Variants in CADM2 observed in about 807,000 individuals in gnomAD.
CADM2 encodes immunoglobulin superfamily member 4D.
A neutral mutation model predicts 49.8 loss-of-function variants in CADM2; 12 were observed. That is an observed-to-expected ratio of 0.24 (90% CI 0.15 to 0.39). The LOEUF (loss-of-function observed/expected upper bound fraction) is 0.39. Ranked by LOEUF, CADM2 falls within the 10% of genes least tolerant of loss-of-function variation. The pLI is 1.00. For synonymous variants in CADM2, 214 were observed against 175.4 expected (o/e 1.22, Z -1.74); for missense variants, 378 against 492.3 (o/e 0.77, Z 2.20).
intron 1 of CADM2, among the ~76,000 whole-genome samples, chr3:85,047,678 T>C (rs1309650538): frequency 1.3e-5 from 2 of 152,164 alleles, no homozygotes; most frequent in Admixed American, 1.3e-4. Context: ...TGAGGATAAG[T>C]AGCTTGGTAA....
At chr3:85,088,436 C>G (rs1411534347) in intron 1 of CADM2, among the ~76,000 whole-genome samples, 1 of 152,060 alleles carries the variant, frequency 6.6e-6, no homozygotes, top group Non-Finnish European at 1.5e-5. Flanking sequence ...GTATGCAACT[C>G]TTTTAAAACC....
chr3:85,484,281 G>C (rs2107633306), intron 1 of CADM2, among the ~76,000 whole-genome samples: 1 of 152,006 alleles, frequency 6.6e-6, no homozygotes, highest in South Asian at 2.1e-4. Context: ...CTGGGGTTTT[G>C]TGCTGCTTAT....
intron 1 of CADM2, among the ~76,000 whole-genome samples, chr3:85,515,981 A>T (rs924611526): frequency 6.6e-6 from 1 of 152,326 alleles, no homozygotes; most frequent in African/African-American, 2.4e-5. Context: ...CAAACTTGTC[A>T]TCCTCATAAG....
intron 1 of CADM2, among the ~76,000 whole-genome samples, chr3:85,271,712 T>TA (rs201627769): frequency 0.01 from 1,534 of 149,782 alleles, 24 homozygotes; most frequent in East Asian, 0.029. Context: ...TCTCTTAAAT[T>TA]AAAAAAAAAT....
intron 2 of CADM2, among the ~76,000 whole-genome samples, chr3:85,745,604 G>A (rs763705987): frequency 3.3e-5 from 5 of 152,122 alleles, no homozygotes; most frequent in Admixed American, 2.6e-4. Context: ...GGTGGCTCAC[G>A]CCGGTAATCC....
At chr3:85,032,205 C>T (rs1479145552) in intron 1 of CADM2, among the ~76,000 whole-genome samples, 2 of 135,024 alleles carry the variant, frequency 1.5e-5, no homozygotes, top group African/African-American at 5.9e-5. Context: ...TTTGGTAGTC[C>T]CAGTTACTGG....
At chr3:85,563,792 A>T (rs2062171797) in intron 1 of CADM2, among the ~76,000 whole-genome samples, 1 of 152,142 alleles carries the variant, frequency 6.6e-6, no homozygotes, top group Non-Finnish European at 1.5e-5. Context: ...CTCCATATAA[A>T]TGATTGTTCT....
At chr3:85,731,501 T>A (rs147231952) in intron 2 of CADM2, among the ~76,000 whole-genome samples, 37 of 152,186 alleles carry the variant, frequency 2.4e-4, no homozygotes, top group African/African-American at 7.7e-4. Context: ...AAATTGTACC[T>A]ATTATTATTA....
chr3:85,508,772 G>A (rs1268287182), intron 1 of CADM2, among the ~76,000 whole-genome samples: 2 of 152,018 alleles, frequency 1.3e-5, no homozygotes, highest in African/African-American at 4.8e-5. Context: ...AGTGGGAAAA[G>A]AACAGAGTGA....
intron 1 of CADM2, among the ~76,000 whole-genome samples, chr3:85,059,317 AT>A (rs2036211382): frequency 2.1e-5 from 3 of 143,162 alleles, no homozygotes; most frequent in Admixed American, 7.8e-5. Context: ...AAATAAAAAA[AT>A]AAAAAAAAAA....
At chr3:85,013,264 T>G (rs2034083526) in intron 1 of CADM2, among the ~76,000 whole-genome samples, 1 of 151,968 alleles carries the variant, frequency 6.6e-6, no homozygotes, top group Admixed American at 6.6e-5. Context: ...AAAATCTATT[T>G]TATCTTTTTT....
rs116265003 is a variant in CADM2 at position 85,341,658 on chromosome 3, C to T, written c.61+381990C>T. On this transcript the variant is annotated intron_variant, in intron 1 of 9. Coordinates refer to ENST00000383699, the MANE Select transcript of CADM2 (RefSeq NM_001167675.2). ...CCATGGCACAGGTATACCTATGTAA[C>T]AAACCTGCACATTCTGCATATGTAT... Among the ~76,000 whole-genome samples, 500 of 152,042 alleles carry T rather than the reference C, an allele frequency of 3.3e-3. 1 individual carries two copies. The highest frequency in any genetic ancestry group is 0.014 in the Middle Eastern group (4 of 294).
intron 1 of CADM2, among the ~76,000 whole-genome samples, chr3:85,015,719 G>A (rs1282484962): frequency 6.6e-6 from 1 of 152,058 alleles, no homozygotes; most frequent in Non-Finnish European, 1.5e-5. Context: ...CAAGGAAGAG[G>A]GTCATCAAAT....
intron 5 of CADM2, among the ~76,000 whole-genome samples, chr3:85,903,574 C>A (rs1235086910): frequency 6.6e-6 from 1 of 152,118 alleles, no homozygotes; most frequent in East Asian, 1.9e-4. Flanking sequence ...CAAGGGAGTT[C>A]CTTTGTAAAA....
chr3:85,212,834 C>T (rs2041815648), intron 1 of CADM2, among the ~76,000 whole-genome samples: 1 of 106,308 alleles, frequency 9.4e-6, no homozygotes, highest in African/African-American at 4.3e-5. Context: ...TTCTTTCTTT[C>T]TTTCTTTCTT....
At chr3:86,045,248 GC>G (rs1226828953) in intron 8 of CADM2, among the ~76,000 whole-genome samples, 3 of 151,972 alleles carry the variant, frequency 2.0e-5, no homozygotes, top group Non-Finnish European at 4.4e-5. Context: ...TATAGGTACA[GC>G]AAATGTACTT....
intron 1 of CADM2, among the ~76,000 whole-genome samples, chr3:85,169,580 T>C (rs2040564690): frequency 6.6e-6 from 1 of 152,092 alleles, no homozygotes; most frequent in Admixed American, 6.6e-5. Flanking sequence ...CAGATGAGCC[T>C]GGCCAACATG....
chr3:85,009,741 C>G (rs1002509038), intron 1 of CADM2, among the ~76,000 whole-genome samples: 3 of 151,854 alleles, frequency 2.0e-5, no homozygotes, highest in South Asian at 2.1e-4. Flanking sequence ...CAGCGTGCAC[C>G]TGTAGTCCCA....
intron 1 of CADM2, among the ~76,000 whole-genome samples, chr3:85,030,435 T>A (rs1482183299): frequency 2.6e-5 from 4 of 152,168 alleles, no homozygotes; most frequent in African/African-American, 9.7e-5. Context: ...GCATATTTTG[T>A]CCACGGATCA....
Sources: gnomAD v4.1 joint callset for allele counts (sites outside exome capture counted in the v4.1 genomes callset) on GRCh38, gnomAD v4.1.1 for gene constraint, MANE v1.5 for transcripts, NCBI Gene and HGNC (gene_info 2026-07-23, HGNC 2026-07-21) for gene names.